TARS3: variants seen among roughly 807,000 people sequenced by gnomAD.
The protein encoded by TARS3 is threonyl-tRNA synthetase 3, also known as threonine--tRNA ligase 2, cytoplasmic.
A neutral mutation model predicts 103.5 loss-of-function variants in TARS3; 94 were observed. The observed-to-expected ratio is 0.91, with a 90% CI of 0.77 to 1.08. The LOEUF (loss-of-function observed/expected upper bound fraction) is 1.08, where lower values mean the gene tolerates loss of function less well. TARS3 is among the 50% of genes least tolerant of loss of function. The pLI is 0.00. For synonymous variants in TARS3, 416 were observed against 355.4 expected, an observed-to-expected ratio of 1.17 and a Z score of -1.92; for missense variants, 952 against 995.2, an observed-to-expected ratio of 0.96 and a Z score of 0.58.
In TARS3 at chr15:101,666,533, G is replaced by A. The variant is rs146409151; in HGVS notation, c.1968-4717C>T. On this transcript the variant is annotated intron_variant, in intron 15 of 18. Transcript: ENST00000335968. ...CAAAGTTTGCATTAACCTCAGAAGC[G>A]TCCTCTTGCTATACTACTAAGTTAA... Among the ~76,000 whole-genome samples, 567 of 149,240 alleles carry A rather than the reference G, an allele frequency of 3.8e-3. 2 individuals carry two copies. The highest frequency in any genetic ancestry group is 0.013 in the African/African-American group (522 of 40,540).
chr15:101,671,842 C>A, intron 13 of TARS3, 94 bp from the exon 14 acceptor site: 1 of 970,068 alleles, frequency 1.0e-6, no homozygotes, highest in Non-Finnish European at 1.6e-6. Flanking sequence ...TCATTACAGT[C>A]TATGTTAGTT....
At chr15:101,710,593 A>G (rs904552620) in intron 5 of TARS3, among the ~76,000 whole-genome samples, 1 of 152,228 alleles carries the variant, frequency 6.6e-6, no homozygotes, top group African/African-American at 2.4e-5. Context: ...TGATTTGGGA[A>G]AAAACCCACA....
intron 10 of TARS3, chr15:101,699,560 C>G: frequency 2.4e-6 from 1 of 414,198 alleles, no homozygotes; most frequent in South Asian, 1.8e-5. Context: ...GAGAAGACAG[C>G]ACATCCAAAT....
intron 17 of TARS3, 78 bp from the exon 18 acceptor site, chr15:101,657,114 G>A (rs1897221555): frequency 1.1e-6 from 1 of 904,570 alleles, no homozygotes; most frequent in Non-Finnish European, 1.8e-6. Flanking sequence ...CCCCACTCTT[G>A]GTATTCACAC....
intron 15 of TARS3, among the ~76,000 whole-genome samples, chr15:101,662,270 G>C (rs1897410589): frequency 6.6e-6 from 1 of 151,118 alleles, no homozygotes; most frequent in Admixed American, 6.6e-5. Context: ...CTTCCCCTTA[G>C]GAAAAAAAAA....
intron 15 of TARS3, among the ~76,000 whole-genome samples, chr15:101,669,577 A>C (rs1430881766): frequency 6.6e-6 from 1 of 152,218 alleles, no homozygotes; most frequent in Non-Finnish European, 1.5e-5. Context: ...TAACTGTCCT[A>C]AACAACTGTA....
Position 101,721,202 on chromosome 15 carries a change from C to A in TARS3, c.490G>T (p.Val164Leu). 6.2e-7 allele frequency: 1 copy of A among 1,613,916 alleles called. No individual in the cohort carries two copies. Among genetic ancestry groups the A allele is most frequent in the Non-Finnish European group, 8.5e-7 (1 of 1,179,808 alleles). Residue 164 changes from valine (V) to leucine (L), a missense_variant, in exon 3 of 19, where the codon GTA (valine) becomes TTA (leucine). Coordinates refer to ENST00000335968, the MANE Select transcript of TARS3 (RefSeq NM_152334.3). ...ACTGTTTGCCCATCAGCCACTCTTA[C>A]TGTGATGATGTTGCTTGTATCCCCC... is the stretch of plus-strand genomic sequence containing the variant. ...KKGDTSNIIT[V>L]RVADGQTVQG...
intron 8 of TARS3, among the ~76,000 whole-genome samples, chr15:101,703,149 A>G (rs1899367603): frequency 6.6e-6 from 1 of 152,166 alleles, no homozygotes; most frequent in African/African-American, 2.4e-5. Flanking sequence ...CTAATCCCAG[A>G]GCGATGTTTT....
At chr15:101,669,841 C>T (rs903431642) in intron 15 of TARS3, among the ~76,000 whole-genome samples, 23 of 152,294 alleles carry the variant, frequency 1.5e-4, no homozygotes, top group African/African-American at 5.5e-4. Context: ...TCAGTGGTCC[C>T]ATAGAACAGA....
chr15:101,699,186 C>G (rs1899130921), intron 10 of TARS3: 1 of 255,552 alleles, frequency 3.9e-6, no homozygotes, highest in African/African-American at 2.3e-5. Context: ...GAAAAAACAG[C>G]TGAGTTCTCC....
Position 101,654,497 on chromosome 15 carries a change from G to C in TARS3, c.*85C>G. 1 of 1,461,806 alleles carries C rather than the reference G, an allele frequency of 6.8e-7. No homozygotes were observed. Among genetic ancestry groups the C allele is most frequent in the Non-Finnish European group, 9.3e-7 (1 of 1,078,924 alleles). 90.6% of individuals were successfully genotyped at this position (1,461,806 alleles called of 1,614,324 possible). A position where few individuals can be genotyped will look rare whatever the true frequency, so the allele number is the denominator to read the frequency against. ...GAGTGGACCCATCAGTGGCTCCAAA[G>C]TCGTAGAAGTACTAACATGTTAAGA... On this transcript the variant is annotated 3_prime_UTR_variant, in exon 19 of 19. Transcript: ENST00000335968.
rs1430227512 is a variant in TARS3, at chr15:101,654,520, A to G, written c.*62T>C. ...AAGTCGTAGAAGTACTAACATGTTA[A>G]GAAAAATACATTTTTAAGGGTCAAA... On this transcript the variant is annotated 3_prime_UTR_variant, in exon 19 of 19. Transcript: ENST00000335968. 6 of 1,573,298 alleles carry G rather than the reference A, an allele frequency of 3.8e-6. No individual in the cohort carries two copies. The highest frequency in any genetic ancestry group is 5.2e-6 in the Non-Finnish European group (6 of 1,158,938).
rs185819767 is a variant in TARS3, at chr15:101,724,247, C to T, written c.141G>A (p.Gly47=). 744 of 1,557,334 alleles carry T rather than the reference C, an allele frequency of 4.8e-4. 4 individuals carry two copies. In the African/African-American group the frequency reaches 9.1e-3, roughly 19 times the overall value. The change falls in exon 1 of 19, where the codon GGG becomes GGA. Residue 47 remains glycine, a synonymous_variant. Transcript: ENST00000335968. Reference sequence around the variant, plus strand: ...GCGCCACCTCCCGCGTGAGGCACGGCCCCTCCGCCTGGCAGCTGTAGGGCG... The same window carrying T: ...GCGCCACCTCCCGCGTGAGGCACGGTCCCTCCGCCTGGCAGCTGTAGGGCG... ...LNAPYSCQAE[G]PCLTREVAQL...
At chr15:101,718,129 G>A (rs1232598164) in intron 3 of TARS3, among the ~76,000 whole-genome samples, 1 of 152,192 alleles carries the variant, frequency 6.6e-6, no homozygotes, top group East Asian at 1.9e-4. Context: ...AACATTTTGG[G>A]AGGCTGCTGT....
chr15:101,683,157 T>C (rs1177516878), intron 12 of TARS3, among the ~76,000 whole-genome samples: 1 of 152,176 alleles, frequency 6.6e-6, no homozygotes. Context: ...TTCCATTACA[T>C]TGGGTGTAAT....
intron 13 of TARS3, among the ~76,000 whole-genome samples, chr15:101,672,532 G>A (rs1470381662): frequency 1.3e-5 from 2 of 152,058 alleles, no homozygotes; most frequent in Non-Finnish European, 2.9e-5. Context: ...TGGGAGTGAC[G>A]CGCCTCATGG....
At chr15:101,656,489 C>T (rs1897202194) in intron 18 of TARS3, among the ~76,000 whole-genome samples, 1 of 152,198 alleles carries the variant, frequency 6.6e-6, no homozygotes. Flanking sequence ...TTTTACTTTT[C>T]ATCTAAATCT....
At chr15:101,703,130 C>G (rs1899367202) in intron 8 of TARS3, among the ~76,000 whole-genome samples, 1 of 152,184 alleles carries the variant, frequency 6.6e-6, no homozygotes, top group Non-Finnish European at 1.5e-5. Context: ...CAAGTCAGTC[C>G]CATGCCTCCT....
At chr15:101,705,095 G>A (rs993670100) in intron 7 of TARS3, among the ~76,000 whole-genome samples, 10 of 152,150 alleles carry the variant, frequency 6.6e-5, no homozygotes, top group Admixed American at 2.6e-4. Flanking sequence ...CATATAAGGC[G>A]TATACACACG....
Sources: gnomAD v4.1 joint callset for allele counts (sites outside exome capture counted in the v4.1 genomes callset) on GRCh38, gnomAD v4.1.1 for gene constraint, MANE v1.5 for transcripts, NCBI Gene and HGNC (gene_info 2026-07-23, HGNC 2026-07-21) for gene names.